The following MARVELD1 variants were observed in gnomAD, a reference collection of about 807,000 sequenced individuals.
MARVELD1 encodes the protein MARVEL domain containing 1.
MARVELD1 carries 7 observed loss-of-function variants against 11.3 expected under a neutral mutation model. The ratio of observed to expected loss-of-function variants is 0.62; its 90% CI spans 0.35 to 1.16. MARVELD1 has a LOEUF of 1.16. Among genes scored for constraint, MARVELD1 ranks in the 50% most tolerant of loss-of-function variants. MARVELD1 has a pLI of 0.02. For synonymous variants in MARVELD1, 119 were observed against 121.4 expected (o/e 0.98, Z 0.13); for missense variants, 216 against 243.8 (o/e 0.89, Z 0.76).
chr10:97,713,987 G>A lies in MARVELD1; in HGVS notation c.111G>A (p.Leu37=), dbSNP rs916916694. The part of the protein sequence containing the change: ...LRSPLGVLRL[L]QLLAGAAFWI... ...GCCCGCTGGGCGTGTTGCGGCTGCTGCAGCTGCTGGCCGGCGCTGCCTTCT... is the reference window on the plus strand; with the variant it reads ...GCCCGCTGGGCGTGTTGCGGCTGCTACAGCTGCTGGCCGGCGCTGCCTTCT... Residue 37 remains leucine (L), a synonymous_variant, in exon 1 of 2, where the codon CTG becomes CTA. Coordinates refer to ENST00000285605, the MANE Select transcript of MARVELD1 (RefSeq NM_031484.4). This position sits in a 1 kb window ranked among gnomAD's most constrained non-coding sequence, Gnocchi z 5.7. 2 of 1,535,080 alleles carry A rather than the reference G, an allele frequency of 1.3e-6. No individual in the cohort carries two copies. The highest frequency in any genetic ancestry group is 1.4e-5 in the African/African-American group (1 of 72,868).
At position 97,714,427 on chromosome 10, in the gene MARVELD1, C is replaced by CGG; in HGVS notation, c.*32_*33dup. 1 of 1,453,970 alleles carries CGG rather than the reference C, an allele frequency of 6.9e-7. No homozygotes were observed. The highest frequency in any genetic ancestry group is 9.1e-7 in the Non-Finnish European group (1 of 1,104,700). 90.1% of individuals were successfully genotyped at this position (1,453,970 alleles called of 1,614,324 possible). On this transcript the variant is annotated 3_prime_UTR_variant, in exon 1 of 2. Transcript: ENST00000285605. The surrounding 1 kb of genome is among the most constrained non-coding windows in gnomAD (Gnocchi z 7.4). ...CGCCCGCGCCCGCCGCGGCCCCGAT[C>CGG]GGGGCGGGGGAATCCCCGGAGACCA...
At position 97,714,557 on chromosome 10, in the gene MARVELD1, C is replaced by G; in HGVS notation, c.*159C>G. The G allele has an allele frequency of 1.8e-6, 1 of 545,758 alleles. No homozygotes were observed. Among genetic ancestry groups the G allele is most frequent in the Non-Finnish European group, 3.1e-6 (1 of 325,712 alleles). 33.8% of individuals were successfully genotyped at this position (545,758 alleles called of 1,614,324 possible). A position where few individuals can be genotyped will look rare whatever the true frequency, so the allele number is the denominator to read the frequency against. On this transcript the variant is annotated 3_prime_UTR_variant, in exon 1 of 2. Transcript: ENST00000285605. The surrounding 1 kb of genome is among the most constrained non-coding windows in gnomAD (Gnocchi z 7.4). ...TGTCGCCCGCGCCCGGGAACCCTGACGCTCAGCTCCCGCCCGACGGCAGCG... is the reference window on the plus strand; with the variant it reads ...TGTCGCCCGCGCCCGGGAACCCTGAGGCTCAGCTCCCGCCCGACGGCAGCG...
At chr10:97,716,535 G>GGGGA (rs1263129651) in intron 1 of MARVELD1, among the ~76,000 whole-genome samples, 1 of 152,170 alleles carries the variant, frequency 6.6e-6, no homozygotes, top group African/African-American at 2.4e-5. Context: ...AACTAGAAGA[G>GGGGA]GGGAGGCTGC....
intron 1 of MARVELD1, 137 bp downstream of exon 1, chr10:97,716,122 C>T (rs1304522752): frequency 6.6e-6 from 1 of 152,214 alleles, no homozygotes. Context: ...ACAATATCTA[C>T]AGAGTTGTGA....
In MARVELD1 at chr10:97,714,773, G is replaced by T. The variant is rs2041899403; in HGVS notation, c.*375G>T. The T allele has an allele frequency of 5.2e-6, 1 of 191,178 alleles. No homozygotes were observed. The highest frequency in any genetic ancestry group is 1.1e-5 in the Non-Finnish European group (1 of 94,734). 11.8% of individuals were successfully genotyped at this position (191,178 alleles called of 1,614,324 possible). ...ACGTGGACAGGGGCCGCGCAGATCC[G>T]GGGGAGGCTCCCAAATTGGAACCAG... On this transcript the variant is annotated 3_prime_UTR_variant, in exon 1 of 2. Transcript: ENST00000285605. This position sits in a 1 kb window ranked among gnomAD's most constrained non-coding sequence, Gnocchi z 7.4.
Position 97,714,097 on chromosome 10 carries a change from G to T in MARVELD1, c.221G>T (p.Gly74Val). ...VSVLFWLLTL[G>V]LYFLTLLGKH... is the part of the protein sequence containing the mutation. ...GTGCTCTTCTGGCTGCTCACCCTGG[G>T]CCTCTACTTCCTCACGCTGCTGGGC... Residue 74 changes from glycine to valine, a missense_variant, in exon 1 of 2, where the codon GGC becomes GTC. Coordinates refer to ENST00000285605, the MANE Select transcript of MARVELD1 (RefSeq NM_031484.4). The surrounding 1 kb of genome is among the most constrained non-coding windows in gnomAD (Gnocchi z 7.4). The T allele has an allele frequency of 6.5e-7, 1 of 1,536,932 alleles. No individual in the cohort carries two copies. The highest frequency in any genetic ancestry group is 8.7e-7 in the Non-Finnish European group (1 of 1,146,698).
rs1479970378 is a variant in MARVELD1 at position 97,715,120 on chromosome 10, C to T, written c.*722C>T. The stretch of plus-strand genomic sequence containing the variant: ...GAGTCTCCTCTTGCCTCTACCTACT[C>T]CGCCTTTGTCCTTAAGGTTTTTGCA... On this transcript the variant is annotated 3_prime_UTR_variant, in exon 1 of 2. Transcript: ENST00000285605. 1 of 152,472 alleles carries T rather than the reference C, an allele frequency of 6.6e-6. No individual in the cohort carries two copies. Among genetic ancestry groups the T allele is most frequent in the African/African-American group, 2.4e-5 (1 of 41,456 alleles). The allele number at this position is 152,472 out of a possible 1,614,324, so 9.4% of individuals were successfully genotyped here.
chr10:97,717,655 T>C lies in MARVELD1; in HGVS notation c.*2049T>C, dbSNP rs896346533. ...GGTGCTGTCTGTGGTCAGGTGACCTTACTCAGGAGCAGATATCTCCTTGGC... is the reference window on the plus strand; with the variant it reads ...GGTGCTGTCTGTGGTCAGGTGACCTCACTCAGGAGCAGATATCTCCTTGGC... On this transcript the variant is annotated 3_prime_UTR_variant, in exon 2 of 2. Coordinates refer to ENST00000285605, the MANE Select transcript of MARVELD1 (RefSeq NM_031484.4). The C allele has an allele frequency of 1.3e-5, 2 of 152,394 alleles. No homozygotes were observed. Among genetic ancestry groups the C allele is most frequent in the Admixed American group, 6.5e-5 (1 of 15,276 alleles). 9.4% of individuals were successfully genotyped at this position (152,394 alleles called of 1,614,324 possible). A position where few individuals can be genotyped will look rare whatever the true frequency, so the allele number is the denominator to read the frequency against.
At position 97,713,933 on chromosome 10, in the gene MARVELD1, G is replaced by C. The variant is rs1293543397; in HGVS notation, c.57G>C (p.Ala19=). The change falls in exon 1 of 2, where the codon GCG becomes GCC. Residue 19 remains alanine, a synonymous_variant. Transcript: ENST00000285605. This position sits in a 1 kb window ranked among gnomAD's most constrained non-coding sequence, Gnocchi z 5.7. ...PPPQARAARG[A]VRLQRPFLRS... ...CCCAGGCGCGTGCGGCCCGCGGCGC[G>C]GTGCGCCTGCAGCGGCCCTTCCTGC... 7.3e-7 allele frequency: 1 copy of C among 1,360,854 alleles called. No homozygotes were observed. The highest frequency in any genetic ancestry group is 9.4e-7 in the Non-Finnish European group (1 of 1,059,404). The allele number at this position is 1,360,854 out of a possible 1,614,324, so 84.3% of individuals were successfully genotyped here.
At position 97,714,467 on chromosome 10, in the gene MARVELD1, T is replaced by G; in HGVS notation, c.*69T>G. On this transcript the variant is annotated 3_prime_UTR_variant, in exon 1 of 2. Coordinates refer to ENST00000285605, the MANE Select transcript of MARVELD1 (RefSeq NM_031484.4). The surrounding 1 kb of genome is among the most constrained non-coding windows in gnomAD (Gnocchi z 7.4). ...CCCGGAGACCAGCCTCCTTAATCCC[T>G]TCCCCCGCCGCCGCCCCGCGCGGGT... 1.3e-5 allele frequency: 15 copies of G among 1,166,796 alleles called. No homozygotes were observed. Among genetic ancestry groups the G allele is most frequent in the African/African-American group, 3.2e-5 (2 of 61,642 alleles). 72.3% of individuals were successfully genotyped at this position (1,166,796 alleles called of 1,614,324 possible). A position where few individuals can be genotyped will look rare whatever the true frequency, so the allele number is the denominator to read the frequency against.
chr10:97,714,151 C>A lies in MARVELD1; in HGVS notation c.275C>A (p.Ser92Ter). 2 of 1,536,908 alleles carry A rather than the reference C, an allele frequency of 1.3e-6. No homozygotes were observed. Among genetic ancestry groups the A allele is most frequent in the Non-Finnish European group, 1.7e-6 (2 of 1,146,700 alleles). ...GKHELVPVLG[S>*]RWLMVNVAHD... ...CACGAGCTGGTCCCCGTGCTGGGCT[C>A]GCGCTGGCTCATGGTCAACGTGGCG... The change falls in exon 1 of 2, where the codon TCG (serine) becomes TAG (stop). Residue 92 changes from serine to a stop codon, truncating the protein, a stop_gained. Transcript: ENST00000285605. LOFTEE classifies it high-confidence loss of function. The surrounding 1 kb of genome is among the most constrained non-coding windows in gnomAD (Gnocchi z 7.4).
In MARVELD1 at chr10:97,715,795, G is replaced by A. The variant is rs2041908002; in HGVS notation, c.*1397G>A. 6.6e-6 allele frequency: 1 copy of A among 152,266 alleles called. No individual in the cohort carries two copies. Among genetic ancestry groups the A allele is most frequent in the Admixed American group, 6.5e-5 (1 of 15,282 alleles). 9.4% of individuals were successfully genotyped at this position (152,266 alleles called of 1,614,324 possible). A position where few individuals can be genotyped will look rare whatever the true frequency, so the allele number is the denominator to read the frequency against. ...CCTCTAGCCAGAGACCTGAACTGGGGAATTTGAACATTCCTTTACATTGTT... is the reference window on the plus strand; with the variant it reads ...CCTCTAGCCAGAGACCTGAACTGGGAAATTTGAACATTCCTTTACATTGTT... On this transcript the variant is annotated 3_prime_UTR_variant, in exon 1 of 2. Coordinates refer to ENST00000285605, the MANE Select transcript of MARVELD1 (RefSeq NM_031484.4).
chr10:97,717,486 C>T lies in MARVELD1; in HGVS notation c.*1880C>T, dbSNP rs1426740810. 6.6e-6 allele frequency: 1 copy of T among 152,222 alleles called. No homozygotes were observed. The highest frequency in any genetic ancestry group is 2.4e-5 in the African/African-American group (1 of 41,446). The allele number at this position is 152,222 out of a possible 1,614,324, so 9.4% of individuals were successfully genotyped here. A position where few individuals can be genotyped will look rare whatever the true frequency, so the allele number is the denominator to read the frequency against. On this transcript the variant is annotated 3_prime_UTR_variant, in exon 2 of 2. Transcript: ENST00000285605. ...GACACAAGATTCTGGATACCTGGAA[C>T]TTAGCTGTGTACTCCTGTACCCTAA...
chr10:97,714,802 T>G lies in MARVELD1; in HGVS notation c.*404T>G, dbSNP rs2041899658. On this transcript the variant is annotated 3_prime_UTR_variant, in exon 1 of 2. Transcript: ENST00000285605. The surrounding 1 kb of genome is among the most constrained non-coding windows in gnomAD (Gnocchi z 7.4). ...GAGGCTCCCAAATTGGAACCAGGCT[T>G]CTGGCTGCCCCCTTCCCTCCCGCCC... 1.1e-5 allele frequency: 2 copies of G among 176,066 alleles called. No individual in the cohort carries two copies. Among genetic ancestry groups the G allele is most frequent in the Non-Finnish European group, 2.4e-5 (2 of 84,922 alleles). The allele number at this position is 176,066 out of a possible 1,614,324, so 10.9% of individuals were successfully genotyped here.
chr10:97,715,547 A>G lies in MARVELD1; in HGVS notation c.*1149A>G, dbSNP rs1220053689. 1 of 152,262 alleles carries G rather than the reference A, an allele frequency of 6.6e-6. No homozygotes were observed. Among genetic ancestry groups the G allele is most frequent in the Non-Finnish European group, 1.5e-5 (1 of 68,056 alleles). 9.4% of individuals were successfully genotyped at this position (152,262 alleles called of 1,614,324 possible). ...AAAGACTGAGAAGTCCCGCTGTTAC[A>G]GAAATAATTTAGTTTGCTGTATTAA... On this transcript the variant is annotated 3_prime_UTR_variant, in exon 1 of 2. Coordinates refer to ENST00000285605, the MANE Select transcript of MARVELD1 (RefSeq NM_031484.4).
At chr10:97,716,304 C>T (rs973426046) in intron 1 of MARVELD1, among the ~76,000 whole-genome samples, 1 of 152,136 alleles carries the variant, frequency 6.6e-6, no homozygotes, top group African/African-American at 2.4e-5. Context: ...CTCACCTCAG[C>T]CTCCCGGGTA....
At position 97,714,186 on chromosome 10, in the gene MARVELD1, C is replaced by T; in HGVS notation, c.310C>T (p.Leu104=). The part of the protein sequence containing the change: ...WLMVNVAHDV[L]AAALYGAATG... ...CATGGTCAACGTGGCGCACGATGTG[C>T]TGGCGGCCGCGCTCTACGGCGCCGC... Residue 104 remains leucine, a synonymous_variant, in exon 1 of 2, where the codon CTG becomes TTG. Transcript: ENST00000285605. This position sits in a 1 kb window ranked among gnomAD's most constrained non-coding sequence, Gnocchi z 7.4. The T allele has an allele frequency of 6.5e-7, 1 of 1,536,724 alleles. No individual in the cohort carries two copies. The highest frequency in any genetic ancestry group is 8.7e-7 in the Non-Finnish European group (1 of 1,146,604).
At position 97,713,898 on chromosome 10, in the gene MARVELD1, C is replaced by T; in HGVS notation, c.22C>T (p.Gln8Ter). 1 of 1,028,282 alleles carries T rather than the reference C, an allele frequency of 9.7e-7. No individual in the cohort carries two copies. Among genetic ancestry groups the T allele is most frequent in the Non-Finnish European group, 1.2e-6 (1 of 848,946 alleles). The allele number at this position is 1,028,282 out of a possible 1,614,324, so 63.7% of individuals were successfully genotyped here. A position where few individuals can be genotyped will look rare whatever the true frequency, so the allele number is the denominator to read the frequency against. The change falls in exon 1 of 2, where the codon CAG (glutamine) becomes TAG (stop). Residue 8 changes from glutamine to a stop codon, truncating the protein, a stop_gained. Coordinates refer to ENST00000285605, the MANE Select transcript of MARVELD1 (RefSeq NM_031484.4). LOFTEE classifies it high-confidence loss of function. The surrounding 1 kb of genome is among the most constrained non-coding windows in gnomAD (Gnocchi z 5.7). Reference sequence around the variant, plus strand: ...GGCCATGCTCCCGCCGCCCCCGCGCCAGCCGCCGCCCCAGGCGCGTGCGGC... The same window carrying T: ...GGCCATGCTCCCGCCGCCCCCGCGCTAGCCGCCGCCCCAGGCGCGTGCGGC... MLPPPPRQPPPQARAARG... is the reference protein window; with the variant it reads MLPPPPR
chr10:97,714,678 A>T lies in MARVELD1; in HGVS notation c.*280A>T, dbSNP rs1428993834. On this transcript the variant is annotated 3_prime_UTR_variant, in exon 1 of 2. Coordinates refer to ENST00000285605, the MANE Select transcript of MARVELD1 (RefSeq NM_031484.4). The surrounding 1 kb of genome is among the most constrained non-coding windows in gnomAD (Gnocchi z 7.4). ...GCAGGCTGCGATCCGAGGGGCTGAC[A>T]CACACTCGCAGACGAGCCGCCCCGA... 2.4e-6 allele frequency: 1 copy of T among 422,428 alleles called. No homozygotes were observed. The highest frequency in any genetic ancestry group is 4.2e-6 in the Non-Finnish European group (1 of 239,416). The allele number at this position is 422,428 out of a possible 1,614,324, so 26.2% of individuals were successfully genotyped here.
Sources: gnomAD v4.1 joint callset for allele counts (sites outside exome capture counted in the v4.1 genomes callset) on GRCh38, gnomAD v4.1.1 for gene constraint, Gnocchi (gnomAD v3.1) non-coding constraint, MANE v1.5 for transcripts, NCBI Gene and HGNC (gene_info 2026-07-23, HGNC 2026-07-21) for gene names.